Variants in TEX9 observed in about 807,000 individuals in gnomAD.
TEX9 encodes the protein testis expressed 9.
TEX9 carries 74 observed loss-of-function variants against 59.6 expected under a neutral mutation model. The ratio of observed to expected loss-of-function variants is 1.24; its 90% CI spans 1.03 to 1.51. The LOEUF is 1.51. Among genes scored for constraint, TEX9 ranks in the 40% most tolerant of loss-of-function variants. TEX9 has a pLI of 0.00. For synonymous variants in TEX9, 186 were observed against 152.2 expected (o/e 1.22, Z -1.64); for missense variants, 522 against 447.8 (o/e 1.17, Z -1.49).
intron 1 of TEX9, among the ~76,000 whole-genome samples, chr15:56,321,870 A>T (rs1439199548): frequency 6.6e-6 from 1 of 152,074 alleles, no homozygotes; most frequent in Non-Finnish European, 1.5e-5. Flanking sequence ...CTAGGGTCTA[A>T]AAACAATAGA....
At chr15:56,318,550 T>C (rs1221109051) in intron 1 of TEX9, among the ~76,000 whole-genome samples, 1 of 152,126 alleles carries the variant, frequency 6.6e-6, no homozygotes, top group African/African-American at 2.4e-5. Flanking sequence ...AAGATTTATG[T>C]CTGCTATTCT....
chr15:56,455,259 A>AC, the TEX9 span, among the ~76,000 whole-genome samples: 1 of 151,404 alleles, frequency 6.6e-6, no homozygotes, highest in Non-Finnish European at 1.5e-5. Context: ...AAAAAAAAAA[A>AC]AAAAAAAAAA....
chr15:56,336,989 T>A (rs75206938), intron 1 of TEX9, among the ~76,000 whole-genome samples: 1,803 of 152,250 alleles, frequency 0.012, 43 homozygotes, highest in African/African-American at 0.041. Flanking sequence ...ATCTGAACAA[T>A]GCATGACAAC....
intron 1 of TEX9, among the ~76,000 whole-genome samples, chr15:56,282,628 G>GA (rs1400550096): frequency 6.6e-6 from 1 of 152,046 alleles, no homozygotes; most frequent in Non-Finnish European, 1.5e-5. Flanking sequence ...CTAAGTCCAG[G>GA]AAAAATGTAT....
At chr15:56,375,505 A>G (rs2047398756) in intron 3 of TEX9, among the ~76,000 whole-genome samples, 1 of 151,840 alleles carries the variant, frequency 6.6e-6, no homozygotes. Flanking sequence ...GCTGTGCAGA[A>G]GCTCTTTAGT....
At chr15:56,308,247 T>G (rs147032018) in intron 1 of TEX9, among the ~76,000 whole-genome samples, 28 of 152,352 alleles carry the variant, frequency 1.8e-4, no homozygotes, top group African/African-American at 6.7e-4. Context: ...TATTTCCATC[T>G]TTTTTATTAT....
intron 1 of TEX9, among the ~76,000 whole-genome samples, chr15:56,314,596 T>A (rs1441795388): frequency 6.6e-6 from 1 of 151,932 alleles, no homozygotes; most frequent in African/African-American, 2.4e-5. Context: ...GGAATAGGTA[T>A]GGTGTGGTGC....
chr15:56,293,376 A>G (rs1357882758), intron 1 of TEX9, among the ~76,000 whole-genome samples: 1 of 152,102 alleles, frequency 6.6e-6, no homozygotes, highest in African/African-American at 2.4e-5. Context: ...CATCTAAAAA[A>G]TAAAAAAAAT....
chr15:56,280,285 G>A (rs139521423), intron 1 of TEX9, among the ~76,000 whole-genome samples: 58 of 152,166 alleles, frequency 3.8e-4, no homozygotes, highest in African/African-American at 1.1e-3. Context: ...AGCCATGATC[G>A]CTGATGACAG....
chr15:56,369,229 T>A (rs1038710848), intron 2 of TEX9, among the ~76,000 whole-genome samples: 10 of 152,112 alleles, frequency 6.6e-5, no homozygotes, highest in Middle Eastern at 3.2e-3. Flanking sequence ...CTTGCTCTGA[T>A]GTCCAGGCTG....
intron 1 of TEX9, among the ~76,000 whole-genome samples, chr15:56,301,899 T>A (rs1220041345): frequency 6.6e-6 from 1 of 152,104 alleles, no homozygotes. Flanking sequence ...CACAGCATAT[T>A]GTAACATTGT....
chr15:56,442,467 GGC>G (rs1257836519), intron 12 of TEX9, among the ~76,000 whole-genome samples: 3 of 152,074 alleles, frequency 2.0e-5, no homozygotes, highest in African/African-American at 7.2e-5. Context: ...TATTCACAAT[GGC>G]AAAGATATGG....
chr15:56,360,628 T>C (rs1424411633), upstream of TEX9, among the ~76,000 whole-genome samples: 1 of 152,190 alleles, frequency 6.6e-6, no homozygotes, highest in East Asian at 1.9e-4. Flanking sequence ...TAGACATCTT[T>C]AAAAAATCCT....
chr15:56,358,688 T>C (rs147152595), intron 1 of TEX9, among the ~76,000 whole-genome samples: 240 of 152,260 alleles, frequency 1.6e-3, no homozygotes, highest in East Asian at 3.3e-3. Flanking sequence ...GTCACTGATA[T>C]GGTTAGGCTT....
chr15:56,364,466 CT>C (rs55845567), upstream of TEX9, among the ~76,000 whole-genome samples: 208 of 139,500 alleles, frequency 1.5e-3, no homozygotes, highest in Non-Finnish European at 1.6e-3. Context: ...TTTTTCTTTT[CT>C]TTTTTTTTTT....
At chr15:56,390,863 AT>A (rs1338113938) in intron 6 of TEX9, among the ~76,000 whole-genome samples, 1 of 152,054 alleles carries the variant, frequency 6.6e-6, no homozygotes, top group Non-Finnish European at 1.5e-5. Flanking sequence ...CATAGGCTGG[AT>A]TTGACCTAGG....
At position 56,420,653 on chromosome 15, in the gene TEX9, C is replaced by T. The variant is rs561504888; in HGVS notation, c.964-6952C>T. Among the ~76,000 whole-genome samples, 59 of 152,028 alleles carry T rather than the reference C, an allele frequency of 3.9e-4. 1 individual carries two copies. Among genetic ancestry groups the T allele is most frequent in the African/African-American group, 1.1e-3 (47 of 41,314 alleles). On this transcript the variant is annotated intron_variant, in intron 10 of 12. Transcript: ENST00000352903. ...TGGAAGTGGAGACTGTTGATTTGTA[C>T]GCTTTCTTCTTTGCTAATATAAGCA... is the stretch of plus-strand genomic sequence containing the variant.
the TEX9 span, among the ~76,000 whole-genome samples, chr15:56,453,364 T>C: frequency 6.6e-6 from 1 of 152,168 alleles, no homozygotes; most frequent in Non-Finnish European, 1.5e-5. Flanking sequence ...GGATTATTGG[T>C]GATCAATCTT....
chr15:56,415,729 T>A (rs2140178786), intron 10 of TEX9, among the ~76,000 whole-genome samples: 1 of 152,046 alleles, frequency 6.6e-6, no homozygotes, highest in South Asian at 2.1e-4. Flanking sequence ...CAGGCTCTTT[T>A]GTGGTTCCAT....
Sources: gnomAD v4.1 joint callset for allele counts (sites outside exome capture counted in the v4.1 genomes callset) on GRCh38, gnomAD v4.1.1 for gene constraint, MANE v1.5 for transcripts, NCBI Gene and HGNC (gene_info 2026-07-23, HGNC 2026-07-21) for gene names.